SLC4A7: variants seen among roughly 807,000 people sequenced by gnomAD.
SLC4A7 encodes the protein solute carrier family 4 member 7, also known as sodium bicarbonate cotransporter 3.
A neutral mutation model predicts 137.6 loss-of-function variants in SLC4A7; 51 were observed. That is an observed-to-expected ratio of 0.37 (90% CI 0.30 to 0.47). The LOEUF (loss-of-function observed/expected upper bound fraction) is 0.47, where lower values mean the gene tolerates loss of function less well. Ranked by LOEUF, SLC4A7 falls within the 20% of genes least tolerant of loss-of-function variation. The pLI, the probability that SLC4A7 is intolerant of heterozygous loss-of-function variation, is 1.00. For missense variants in SLC4A7, 1,247 were observed against 1,525.4 expected, an observed-to-expected ratio of 0.82 and a Z score of 3.04; for synonymous variants, 542 against 518.6, an observed-to-expected ratio of 1.05 and a Z score of -0.61.
chr3:27,451,487 C>CACCT (rs1385865073), intron 2 of SLC4A7, among the ~76,000 whole-genome samples: 3 of 151,966 alleles, frequency 2.0e-5, no homozygotes, highest in Non-Finnish European at 2.9e-5. Context: ...CCATAACCTC[C>CACCT]ACCTACTCAT....
intron 12 of SLC4A7, among the ~76,000 whole-genome samples, chr3:27,410,802 A>G (rs1177518776): frequency 6.6e-6 from 1 of 152,208 alleles, no homozygotes; most frequent in Admixed American, 6.5e-5. Flanking sequence ...TCACAGAGAC[A>G]AAAACACTTC....
chr3:27,446,876 T>G lies in SLC4A7; in HGVS notation c.289+1775A>C, dbSNP rs530451445. 1.4e-3 allele frequency among the ~76,000 whole-genome samples: 30 copies of G among 22,188 alleles called. No individual in the cohort carries two copies. In the East Asian group the frequency reaches 0.049, roughly 36 times the overall value. The allele number at this position is 22,188 out of a possible 152,430, so 14.6% of individuals were successfully genotyped here. On this transcript the variant is annotated intron_variant, in intron 3 of 25. Coordinates refer to ENST00000454389, the MANE Select transcript of SLC4A7 (RefSeq NM_001321103.2). ...TATCTCTTAGTAGAGTTTTTTTTTGTTTTTTTTTGTTTTTTTTGTTTTTTT... is the reference window on the plus strand; with the variant it reads ...TATCTCTTAGTAGAGTTTTTTTTTGGTTTTTTTTGTTTTTTTTGTTTTTTT...
At chr3:27,455,730 T>G (rs2058364449) in intron 1 of SLC4A7, among the ~76,000 whole-genome samples, 1 of 152,032 alleles carries the variant, frequency 6.6e-6, no homozygotes, top group Admixed American at 6.6e-5. Flanking sequence ...ATACAAAAAT[T>G]AGCTGAGTGC....
intron 15 of SLC4A7, among the ~76,000 whole-genome samples, chr3:27,402,465 C>T (rs926629374): frequency 2.0e-5 from 3 of 151,990 alleles, no homozygotes; most frequent in Non-Finnish European, 2.9e-5. Flanking sequence ...TTTGGGAGGC[C>T]GAGGCAGGTG....
At chr3:27,434,285 G>T (rs2056559027) in intron 5 of SLC4A7, among the ~76,000 whole-genome samples, 181 bp from the exon 6 acceptor site, 1 of 151,970 alleles carries the variant, frequency 6.6e-6, no homozygotes, top group Non-Finnish European at 1.5e-5. Flanking sequence ...GAATTACAAA[G>T]ACCGCCTTAT....
intron 22 of SLC4A7, among the ~76,000 whole-genome samples, chr3:27,389,139 A>G (rs1243187559): frequency 6.6e-6 from 1 of 152,120 alleles, no homozygotes; most frequent in Non-Finnish European, 1.5e-5. Context: ...CTTCTTGAAT[A>G]ATAAAGGCAA....
At chr3:27,456,825 A>T in intron 1 of SLC4A7, 2 of 1,430,206 alleles carry the variant, frequency 1.4e-6, no homozygotes, top group Non-Finnish European at 1.8e-6. Context: ...GGTACAGCCA[A>T]TCACTGTGTT....
At chr3:27,421,422 G>A (rs2054967136) in intron 9 of SLC4A7, among the ~76,000 whole-genome samples, 200 bp downstream of exon 9, 1 of 152,114 alleles carries the variant, frequency 6.6e-6, no homozygotes, top group Admixed American at 6.5e-5. Flanking sequence ...CATGAACCTG[G>A]GAGGTGGAGG....
chr3:27,447,629 G>A (rs928466439), intron 3 of SLC4A7, among the ~76,000 whole-genome samples: 1 of 123,050 alleles, frequency 8.1e-6, no homozygotes, highest in Non-Finnish European at 1.7e-5. Context: ...TCCTCCTCAG[G>A]TTTTACAGCC....
intron 3 of SLC4A7, among the ~76,000 whole-genome samples, chr3:27,448,214 C>T (rs1371951873): frequency 1.0e-5 from 1 of 95,648 alleles, no homozygotes; most frequent in Non-Finnish European, 2.1e-5. Context: ...AAGACTCCAT[C>T]TCAAAAAAAA....
chr3:27,394,694 A>G lies in SLC4A7; in HGVS notation c.2941T>C (p.Trp981Arg). Residue 981 changes from tryptophan to arginine, a missense_variant, in exon 20 of 26, where the codon TGG becomes CGG. Coordinates refer to ENST00000454389, the MANE Select transcript of SLC4A7 (RefSeq NM_001321103.2). Reference sequence around the variant, plus strand: ...GACAACACTGTTGCAGCCACAAACCATGGAAGTCCCATGACAGAGCAAACT... The same window carrying G: ...GACAACACTGTTGCAGCCACAAACCGTGGAAGTCCCATGACAGAGCAAACT... ...LGVCSVMGLPWFVAATVLSIS... is the reference protein window; with the variant it reads ...LGVCSVMGLPRFVAATVLSIS... 4 of 1,614,196 alleles carry G rather than the reference A, an allele frequency of 2.5e-6. No individual in the cohort carries two copies. Among genetic ancestry groups the G allele is most frequent in the Non-Finnish European group, 3.4e-6 (4 of 1,180,030 alleles).
At chr3:27,434,172 G>C (rs1333015431) in intron 5 of SLC4A7, 68 bp from the exon 6 acceptor site, 8 of 1,169,164 alleles carry the variant, frequency 6.8e-6, no homozygotes, top group Non-Finnish European at 9.4e-6. Context: ...TAAACTGTGA[G>C]TGAAACCTTA....
In SLC4A7 at chr3:27,484,276, AGCCGGGC is replaced by A. The variant is rs567578768; in HGVS notation, c.-157_-151del. On this transcript the variant is annotated 5_prime_UTR_variant, in exon 1 of 26. Transcript: ENST00000454389. Reference sequence around the variant, plus strand: ...GCGCGAGGTGTGCGCGCGTGGGGAGAGCCGGGCGCCGGGCGCGGGAGACGCGGGGCGT... The same window carrying A: ...GCGCGAGGTGTGCGCGCGTGGGGAGAGCCGGGCGCGGGAGACGCGGGGCGT... 8 of 548,040 alleles carry A rather than the reference AGCCGGGC, an allele frequency of 1.5e-5. No homozygotes were observed. Among genetic ancestry groups the A allele is most frequent in the East Asian group, 4.0e-5 (1 of 24,984 alleles). 33.9% of individuals were successfully genotyped at this position (548,040 alleles called of 1,614,324 possible).
intron 21 of SLC4A7, among the ~76,000 whole-genome samples, chr3:27,391,017 C>G (rs755208385): frequency 1.3e-5 from 2 of 152,106 alleles, no homozygotes; most frequent in Non-Finnish European, 2.9e-5. Context: ...GAGGCAGGAT[C>G]TCACTGTGTT....
At chr3:27,419,628 G>A (rs187864103) in intron 10 of SLC4A7, among the ~76,000 whole-genome samples, 2 of 150,772 alleles carry the variant, frequency 1.3e-5, no homozygotes, top group African/African-American at 2.4e-5. Flanking sequence ...GAGCCACTGC[G>A]CCCGGCCAAA....
chr3:27,373,759 G>A lies in SLC4A7; in HGVS notation c.*3005C>T, dbSNP rs1483245726. The A allele has an allele frequency of 2.6e-5, 4 of 152,536 alleles. No homozygotes were observed. Among genetic ancestry groups the A allele is most frequent in the Admixed American group, 6.5e-5 (1 of 15,282 alleles). The allele number at this position is 152,536 out of a possible 1,614,324, so 9.4% of individuals were successfully genotyped here. On this transcript the variant is annotated 3_prime_UTR_variant, in exon 26 of 26. Coordinates refer to ENST00000454389, the MANE Select transcript of SLC4A7 (RefSeq NM_001321103.2). ...ATACCCACACAGAAAATTTAAGTAC[G>A]TGGAAGAAATAAACTTTTTTGGATG...
chr3:27,450,659 G>C (rs12632305), intron 2 of SLC4A7, among the ~76,000 whole-genome samples: 55,331 of 151,882 alleles, frequency 0.36, 10,542 homozygotes, highest in East Asian at 0.74. Context: ...GTGCAGTTTA[G>C]AAAGAAAGGG....
chr3:27,440,672 G>A (rs1197819197), intron 3 of SLC4A7, among the ~76,000 whole-genome samples: 3 of 152,036 alleles, frequency 2.0e-5, no homozygotes, highest in African/African-American at 7.2e-5. Context: ...AGGCTACAGT[G>A]AGCCAAGATC....
Position 27,403,371 on chromosome 3 carries a change from A to C in SLC4A7, c.2089T>G (p.Ser697Ala), listed in dbSNP as rs2052982494. 1 of 1,586,324 alleles carries C rather than the reference A, an allele frequency of 6.3e-7. No homozygotes were observed. The highest frequency in any genetic ancestry group is 1.8e-5 in the Admixed American group (1 of 55,812). The change falls in exon 15 of 26, where the codon TCT becomes GCT. Residue 697 changes from serine to alanine, a missense_variant. Transcript: ENST00000454389. ...ATACTGGTTCTTAAAGACAGATAAG[A>C]AAGTTGATAATCTCTGTTTAGAAAG... is the stretch of plus-strand genomic sequence containing the variant. ...LYKFCRDYQLSYLSLRTSIGL... is the reference protein window; with the variant it reads ...LYKFCRDYQLAYLSLRTSIGL...
Sources: allele counts gnomAD v4.1 joint callset (sites outside exome capture counted in the v4.1 genomes callset), GRCh38; gene constraint gnomAD v4.1.1; transcripts MANE v1.5; gene names NCBI Gene and HGNC (gene_info 2026-07-23, HGNC 2026-07-21).